Variants in RERE observed in about 807,000 individuals in gnomAD.
The protein encoded by RERE is arginine-glutamic acid dipeptide repeats protein.
RERE carries 40 observed loss-of-function variants against 146.1 expected under a neutral mutation model. That is an observed-to-expected ratio of 0.27 (90% confidence interval 0.21 to 0.36). RERE has a LOEUF of 0.36. Ranked by LOEUF, RERE falls within the 10% of genes least tolerant of loss-of-function variation. The probability of loss-of-function intolerance (pLI) is 1.00; values close to 1 mark genes in which losing one functional copy is unlikely to be tolerated. For missense variants in RERE, 1,933 were observed against 2,138.7 expected (o/e 0.90, Z 1.90); for synonymous variants, 1,003 against 866.0 (o/e 1.16, Z -2.78).
At chr1:8,372,543 T>TGTGTGTGTGTGTGTGTGTGTGTGTG (rs6143112) in intron 12 of RERE, among the ~76,000 whole-genome samples, 19 of 150,706 alleles carry the variant, frequency 1.3e-4, no homozygotes, top group South Asian at 6.4e-4. Flanking sequence ...TGTGTGTGTG[T>TGTGTGTGTGTGTGTGTGTGTGTGTG]TTTAAATTAA....
At chr1:8,814,253 T>A (rs1335571031) in intron 1 of RERE, among the ~76,000 whole-genome samples, 1 of 152,166 alleles carries the variant, frequency 6.6e-6, no homozygotes, top group Non-Finnish European at 1.5e-5. Flanking sequence ...ACACACCCAG[T>A]CCCCTTTACC....
rs1641520042 is a variant in RERE at position 8,360,473 on chromosome 1, T to C, written c.3034A>G (p.Asn1012Asp). The C allele has an allele frequency of 9.0e-7, 1 of 1,111,960 alleles. No individual in the cohort carries two copies. The highest frequency in any genetic ancestry group is 1.2e-6 in the Non-Finnish European group (1 of 842,662). The allele number at this position is 1,111,960 out of a possible 1,614,324, so 68.9% of individuals were successfully genotyped here. ...AQPPGLTQSQ[N>D]LPPPPASHPP... ...TGGGAGGCAGGGGGCGGGGGCAGGTTCTGGCTCTGGGTCAGCCCGGGGGGC... is the reference window on the plus strand; with the variant it reads ...TGGGAGGCAGGGGGCGGGGGCAGGTCCTGGCTCTGGGTCAGCCCGGGGGGC... The change falls in exon 18 of 23, where the codon AAC (asparagine) becomes GAC (aspartate). Residue 1012 changes from asparagine to aspartate, a missense_variant. Physicochemically the swap from Asn to Asp is conservative, Grantham distance 23. Coordinates refer to ENST00000400908, the MANE Select transcript of RERE (RefSeq NM_001042681.2).
At chr1:8,443,810 G>A (rs754900023) in intron 11 of RERE, among the ~76,000 whole-genome samples, 11 of 152,366 alleles carry the variant, frequency 7.2e-5, no homozygotes, top group Middle Eastern at 3.4e-3. Context: ...ACAAGCCATA[G>A]GCTGTGGCAG....
intron 11 of RERE, among the ~76,000 whole-genome samples, chr1:8,426,486 C>T (rs2124477488): frequency 6.6e-6 from 1 of 152,144 alleles, no homozygotes; most frequent in African/African-American, 2.4e-5. Context: ...TCAACGCCCT[C>T]CTTTCCTGCT....
chr1:8,682,711 T>C (rs1638998725), intron 1 of RERE, among the ~76,000 whole-genome samples: 1 of 152,204 alleles, frequency 6.6e-6, no homozygotes, highest in African/African-American at 2.4e-5. Context: ...CATGTAATAA[T>C]GTTTAACAAG....
chr1:8,479,976 C>T (rs1348787164), intron 10 of RERE, among the ~76,000 whole-genome samples: 2 of 152,120 alleles, frequency 1.3e-5, no homozygotes, highest in Admixed American at 1.3e-4. Flanking sequence ...AATACATGAG[C>T]CCTTCTGAAA....
Position 8,686,325 on chromosome 1 carries a change from C to T in RERE, c.-144-29884G>A, listed in dbSNP as rs1031742875. Among the ~76,000 whole-genome samples the T allele has an allele frequency of 9.9e-5, 15 of 152,208 alleles. 1 individual carries two copies. Among genetic ancestry groups the T allele is most frequent in the Admixed American group, 6.5e-4 (10 of 15,276 alleles). The stretch of plus-strand genomic sequence containing the variant: ...TAAAGCCATGCATCCTAGGGAATTA[C>T]GTAGAAATTCAACAAATATTTATCA... On this transcript the variant is annotated intron_variant, in intron 1 of 22. Transcript: ENST00000400908.
intron 1 of RERE, chr1:8,751,115 T>A (rs1640526093): frequency 2.4e-6 from 1 of 412,458 alleles, no homozygotes. Context: ...CAATATAAGC[T>A]GCTCCAAAGT....
At chr1:8,487,317 T>A (rs977937761) in intron 10 of RERE, among the ~76,000 whole-genome samples, 1 of 152,152 alleles carries the variant, frequency 6.6e-6, no homozygotes, top group Non-Finnish European at 1.5e-5. Flanking sequence ...GTGCAGTGGC[T>A]TACACCTATA....
intron 17 of RERE, 109 bp downstream of exon 17, chr1:8,361,654 C>T: frequency 3.0e-6 from 4 of 1,319,116 alleles, no homozygotes; most frequent in Non-Finnish European, 2.1e-6. Flanking sequence ...AAGGCCACTC[C>T]AGCCCCACCC....
chr1:8,548,846 G>A (rs1351162373), intron 6 of RERE, among the ~76,000 whole-genome samples: 2 of 152,082 alleles, frequency 1.3e-5, no homozygotes, highest in African/African-American at 4.8e-5. Flanking sequence ...TTGGCCAGGT[G>A]TGGGGGTGGG....
At chr1:8,597,144 G>C (rs1646564672) in intron 4 of RERE, among the ~76,000 whole-genome samples, 3 of 150,360 alleles carry the variant, frequency 2.0e-5, no homozygotes, top group South Asian at 4.2e-4. Flanking sequence ...CCAGAGCGCA[G>C]TGGCGTGATC....
intron 12 of RERE, among the ~76,000 whole-genome samples, chr1:8,403,130 C>A (rs945684325): frequency 6.6e-6 from 1 of 151,976 alleles, no homozygotes; most frequent in Non-Finnish European, 1.5e-5. Context: ...AATTCCTGAC[C>A]CCGTGATCTG....
chr1:8,373,682 G>A (rs1642129861), intron 12 of RERE, among the ~76,000 whole-genome samples: 1 of 152,190 alleles, frequency 6.6e-6, no homozygotes, highest in Non-Finnish European at 1.5e-5. Context: ...GTGCTCCAAC[G>A]CTGCTGCCGA....
intron 12 of RERE, among the ~76,000 whole-genome samples, chr1:8,380,287 C>T (rs1642401573): frequency 6.6e-6 from 1 of 151,902 alleles, no homozygotes; most frequent in African/African-American, 2.4e-5. Flanking sequence ...ATGAGCTCTG[C>T]GTCCTCACTG....
chr1:8,657,843 TA>T (rs1389925478), intron 1 of RERE, among the ~76,000 whole-genome samples: 3 of 152,174 alleles, frequency 2.0e-5, no homozygotes, highest in Admixed American at 1.3e-4. Context: ...TCCATCTCAA[TA>T]AAGAAAAGAA....
chr1:8,386,012 ATATATATATATTTTTTTTTTTTTTT>A (rs1289126349), intron 12 of RERE, among the ~76,000 whole-genome samples: 6 of 44,744 alleles, frequency 1.3e-4, no homozygotes, highest in African/African-American at 5.6e-4. Context: ...ATATATATAT[ATATATATATATTTTTTTTTTTTTTT>A]TTTTTTTTTT....
intron 1 of RERE, among the ~76,000 whole-genome samples, chr1:8,666,975 G>A (rs1638589830): frequency 6.6e-6 from 1 of 152,168 alleles, no homozygotes; most frequent in African/African-American, 2.4e-5. Context: ...CTAAATAACT[G>A]CAATGGGATG....
At chr1:8,454,829 A>ACC (rs201715126) in intron 11 of RERE, among the ~76,000 whole-genome samples, 1 of 151,522 alleles carries the variant, frequency 6.6e-6, no homozygotes, top group African/African-American at 2.4e-5. Context: ...ACAAACAACA[A>ACC]AAAAAAACCC....
Sources: gnomAD v4.1 joint callset for allele counts (sites outside exome capture counted in the v4.1 genomes callset) on GRCh38, gnomAD v4.1.1 for gene constraint, MANE v1.5 for transcripts, NCBI Gene and HGNC (gene_info 2026-07-23, HGNC 2026-07-21) for gene names.